The following WWOX variants were observed in gnomAD, a reference collection of about 807,000 sequenced individuals.
WWOX encodes WW domain-containing oxidoreductase.
Under a neutral mutation model 46.2 loss-of-function variants are expected in WWOX, and 69 were observed. That is an observed-to-expected ratio of 1.49 (90% confidence interval 1.23 to 1.82). The LOEUF (loss-of-function observed/expected upper bound fraction) is 1.82, where lower values mean the gene tolerates loss of function less well. Ranked by LOEUF, WWOX falls within the 40% of genes most tolerant of loss-of-function variation. WWOX has a pLI of 0.00. For synonymous variants in WWOX, 359 were observed against 202.6 expected, an observed-to-expected ratio of 1.77 and a Z score of -6.56; for missense variants, 919 against 542.6, an observed-to-expected ratio of 1.69 and a Z score of -6.89.
chr16:78,999,956 A>AT (rs200374576), intron 8 of WWOX, among the ~76,000 whole-genome samples: 96 of 151,528 alleles, frequency 6.3e-4, no homozygotes, highest in Admixed American at 5.3e-4. Context: ...CACCGGGAGC[A>AT]TTTTTTTTTC....
intron 4 of WWOX, among the ~76,000 whole-genome samples, chr16:78,144,983 GA>G (rs2034149272): frequency 6.6e-6 from 1 of 152,120 alleles, no homozygotes; most frequent in African/African-American, 2.4e-5. Flanking sequence ...CACAGATGAG[GA>G]AATTGAGGTT....
At chr16:78,392,450 T>A (rs1348045037) in intron 6 of WWOX, among the ~76,000 whole-genome samples, 1 of 151,682 alleles carries the variant, frequency 6.6e-6, no homozygotes, top group African/African-American at 2.4e-5. Context: ...CATTATATAT[T>A]ACAACGTAAT....
intron 8 of WWOX, among the ~76,000 whole-genome samples, chr16:78,541,577 T>C (rs1354873566): frequency 6.9e-6 from 1 of 145,944 alleles, no homozygotes; most frequent in Non-Finnish European, 1.5e-5. Context: ...CTGGATAGGA[T>C]AGGGTATAAT....
At chr16:78,821,629 A>G (rs1341055874) in intron 8 of WWOX, among the ~76,000 whole-genome samples, 1 of 152,178 alleles carries the variant, frequency 6.6e-6, no homozygotes, top group East Asian at 1.9e-4. Context: ...TATAACTTTT[A>G]AAGTTGTTTT....
At chr16:78,285,003 G>A (rs2079742941) in intron 5 of WWOX, among the ~76,000 whole-genome samples, 5 of 152,172 alleles carry the variant, frequency 3.3e-5, no homozygotes, top group Admixed American at 3.3e-4. Flanking sequence ...AAATAGGCAT[G>A]CATGTAATGA....
intron 8 of WWOX, among the ~76,000 whole-genome samples, chr16:78,500,779 A>G (rs1323283148): frequency 2.0e-5 from 3 of 152,212 alleles, no homozygotes. Context: ...TGAATTATTC[A>G]GGCAGTGTTT....
chr16:78,258,611 G>A (rs1597410973), intron 5 of WWOX, among the ~76,000 whole-genome samples: 2 of 143,710 alleles, frequency 1.4e-5, no homozygotes, highest in African/African-American at 2.6e-5. Flanking sequence ...ATGCAGCCCA[G>A]TTGTTTTTAT....
At chr16:78,644,030 C>G (rs1261427299) in intron 8 of WWOX, among the ~76,000 whole-genome samples, 2 of 152,110 alleles carry the variant, frequency 1.3e-5, no homozygotes, top group African/African-American at 4.8e-5. Context: ...TGAGACCAGC[C>G]TGACCAACAT....
At chr16:78,124,027 G>C (rs985533715) in intron 4 of WWOX, 1 of 152,036 alleles carries the variant, frequency 6.6e-6, no homozygotes, top group Non-Finnish European at 1.5e-5. Flanking sequence ...TATGGTTTGA[G>C]GCAGCCCATT....
At chr16:79,012,235 C>A (rs2047325256) in intron 8 of WWOX, among the ~76,000 whole-genome samples, 1 of 151,738 alleles carries the variant, frequency 6.6e-6, no homozygotes. Context: ...AGTATGACAT[C>A]TTAATTTTTC....
chr16:79,077,881 C>T (rs530826346), intron 8 of WWOX: 6 of 152,264 alleles, frequency 3.9e-5, no homozygotes, highest in African/African-American at 1.4e-4. Flanking sequence ...GTTCTTCTTA[C>T]TCAACTCTCC....
chr16:79,057,053 A>G (rs2048276008), intron 8 of WWOX, among the ~76,000 whole-genome samples: 1 of 152,234 alleles, frequency 6.6e-6, no homozygotes, highest in South Asian at 2.1e-4. Flanking sequence ...AAACACCAGA[A>G]GTGATTTTGC....
chr16:78,925,274 C>G (rs747669886), intron 8 of WWOX, among the ~76,000 whole-genome samples: 2 of 152,226 alleles, frequency 1.3e-5, no homozygotes, highest in Non-Finnish European at 2.9e-5. Context: ...ATTGCTGCCA[C>G]TGGGTGGCAG....
intron 4 of WWOX, among the ~76,000 whole-genome samples, chr16:78,154,961 C>T (rs908438310): frequency 7.9e-5 from 12 of 152,058 alleles, no homozygotes; most frequent in South Asian, 2.1e-4. Context: ...GCCAGCAGCA[C>T]GGGTGATGAT....
chr16:78,102,472 T>C (rs1478193061), intron 1 of WWOX, among the ~76,000 whole-genome samples: 1 of 152,192 alleles, frequency 6.6e-6, no homozygotes, highest in Non-Finnish European at 1.5e-5. Context: ...AATTTCTGGC[T>C]CTGGAGAATT....
At chr16:78,509,959 G>T (rs1168808886) in intron 8 of WWOX, among the ~76,000 whole-genome samples, 1 of 151,274 alleles carries the variant, frequency 6.6e-6, no homozygotes, top group African/African-American at 2.4e-5. Flanking sequence ...AAATTAGCTG[G>T]CATGGTGGCA....
At chr16:78,203,841 T>C (rs971027716) in intron 5 of WWOX, among the ~76,000 whole-genome samples, 5 of 152,218 alleles carry the variant, frequency 3.3e-5, no homozygotes, top group Non-Finnish European at 7.3e-5. Flanking sequence ...CCCTTTCTCA[T>C]AGTATGATTA....
At chr16:78,195,867 A>G (rs1432139241) in intron 5 of WWOX, among the ~76,000 whole-genome samples, 1 of 151,938 alleles carries the variant, frequency 6.6e-6, no homozygotes, top group Middle Eastern at 3.4e-3. Flanking sequence ...AACATGTGGA[A>G]TATGAGACAA....
At chr16:78,123,450 T>TGAGA (rs2033210613) in intron 4 of WWOX, 2 of 26,508 alleles carry the variant, frequency 7.5e-5, no homozygotes, top group African/African-American at 1.8e-4. Flanking sequence ...GTTTTTTTTT[T>TGAGA]TTTTGTTTTT....
Sources: allele counts gnomAD v4.1 joint callset (sites outside exome capture counted in the v4.1 genomes callset), GRCh38; gene constraint gnomAD v4.1.1; transcripts MANE v1.5; gene names NCBI Gene and HGNC (gene_info 2026-07-23, HGNC 2026-07-21).